Variants in RASL12 observed in about 807,000 individuals in gnomAD.
RASL12 encodes the protein RAS like family 12.
A neutral mutation model predicts 22.9 loss-of-function variants in RASL12; 16 were observed. The observed-to-expected ratio is 0.70, with a 90% CI of 0.47 to 1.06. RASL12 has a LOEUF of 1.06. RASL12 is among the 50% of genes least tolerant of loss of function. The pLI, the probability that RASL12 is intolerant of heterozygous loss-of-function variation, is 0.00. For missense variants in RASL12, 306 were observed against 353.1 expected, an observed-to-expected ratio of 0.87 and a Z score of 1.07; for synonymous variants, 159 against 152.2, an observed-to-expected ratio of 1.04 and a Z score of -0.33.
chr15:65,065,266 G>A lies in RASL12; in HGVS notation c.111C>T (p.Thr37=), dbSNP rs756506075. The A allele has an allele frequency of 8.7e-6, 14 of 1,611,850 alleles. 1 individual carries two copies. The highest frequency in any genetic ancestry group is 3.3e-5 in the Admixed American group (2 of 59,708). The change falls in exon 2 of 5, where the codon ACC becomes ACT. Residue 37 remains threonine, a synonymous_variant. Coordinates refer to ENST00000220062, the MANE Select transcript of RASL12 (RefSeq NM_016563.4). Reference sequence around the variant, plus strand: ...TAAACCTCTTGGTCAGAAACTTCACGGTCAGGGCTGCAAGAAGCAGAAAGA... The same window carrying A: ...TAAACCTCTTGGTCAGAAACTTCACAGTCAGGGCTGCAAGAAGCAGAAAGA... The part of the protein sequence containing the change: ...GRRGAGKSAL[T]VKFLTKRFIS...
chr15:65,047,779 CAG>C, the RASL12 span, among the ~76,000 whole-genome samples: 1 of 141,942 alleles, frequency 7.0e-6, no homozygotes, highest in Non-Finnish European at 1.5e-5. Context: ...GATAGATAGA[CAG>C]ATAGATCGAT....
At chr15:65,066,025 G>A (rs2086873269) in intron 1 of RASL12, among the ~76,000 whole-genome samples, 1 of 148,236 alleles carries the variant, frequency 6.7e-6, no homozygotes, top group East Asian at 2.3e-4. Context: ...AAAGAAAAGA[G>A]AAGAGAAGAG....
chr15:65,052,961 C>T (rs994236086), downstream of RASL12: 5 of 1,564,436 alleles, frequency 3.2e-6, no homozygotes, highest in African/African-American at 2.7e-5. Context: ...TCCCTGTCCC[C>T]CCAGAAAAGA....
At chr15:65,073,494 C>T (rs894159803) in intron 1 of RASL12, among the ~76,000 whole-genome samples, 11 of 152,142 alleles carry the variant, frequency 7.2e-5, no homozygotes, top group African/African-American at 2.2e-4. Context: ...ATGCTGCTGC[C>T]ACTGATCTGA....
At chr15:65,072,761 T>G (rs995678060), upstream of RASL12, among the ~76,000 whole-genome samples, 17 of 152,156 alleles carry the variant, frequency 1.1e-4, no homozygotes, top group Admixed American at 1.1e-3. Context: ...CCCTGAGCAC[T>G]TCCCTCCACT....
chr15:65,059,654 CG>C (rs1329097321), intron 2 of RASL12, among the ~76,000 whole-genome samples: 4 of 152,106 alleles, frequency 2.6e-5, no homozygotes, highest in Admixed American at 6.5e-5. Flanking sequence ...GACCACACCT[CG>C]GGGGTGGGTC....
At chr15:65,068,510 G>A (rs527546321), upstream of RASL12, among the ~76,000 whole-genome samples, 1 of 152,184 alleles carries the variant, frequency 6.6e-6, no homozygotes, top group Non-Finnish European at 1.5e-5. The surrounding 1 kb of genome is among the most constrained non-coding windows in gnomAD (Gnocchi z 4.2). Context: ...GAGAGGGGGC[G>A]GGGCGGAGAG....
the RASL12 span, among the ~76,000 whole-genome samples, chr15:65,048,040 G>A: frequency 2.0e-5 from 3 of 152,056 alleles, no homozygotes; most frequent in Non-Finnish European, 2.9e-5. Context: ...TTAGCCTGGC[G>A]TGGTGGCATG....
rs1054242032 is a variant in RASL12, at chr15:65,054,672, G to A, written c.*227C>T. On this transcript the variant is annotated 3_prime_UTR_variant, in exon 5 of 5. Transcript: ENST00000220062. ...TGTCACAGTGGCTGTTTCCCTCTACGGCCACAGACGCGGTGGTTACCATGA... is the reference window on the plus strand; with the variant it reads ...TGTCACAGTGGCTGTTTCCCTCTACAGCCACAGACGCGGTGGTTACCATGA... 7.2e-6 allele frequency: 10 copies of A among 1,380,876 alleles called. No homozygotes were observed. Among genetic ancestry groups the A allele is most frequent in the South Asian group, 5.6e-5 (3 of 53,672 alleles). The allele number at this position is 1,380,876 out of a possible 1,614,324, so 85.5% of individuals were successfully genotyped here. A position where few individuals can be genotyped will look rare whatever the true frequency, so the allele number is the denominator to read the frequency against.
chr15:65,066,211 GA>G (rs2140531835), intron 1 of RASL12, among the ~76,000 whole-genome samples: 1 of 149,246 alleles, frequency 6.7e-6, no homozygotes, highest in East Asian at 2.0e-4. Context: ...AAGGAAGGAA[GA>G]AAAGAGAAAG....
At chr15:65,066,747 A>G (rs2086883448) in intron 1 of RASL12, among the ~76,000 whole-genome samples, 1 of 152,220 alleles carries the variant, frequency 6.6e-6, no homozygotes, top group South Asian at 2.1e-4. Context: ...AACCAGATTC[A>G]GAGTCCCCTC....
At position 65,066,101 on chromosome 15, in the gene RASL12, GAGAA is replaced by G. The variant is rs200471388; in HGVS notation, c.104-832_104-829del. On this transcript the variant is annotated intron_variant, in intron 1 of 4. Transcript: ENST00000220062. Reference sequence around the variant, plus strand: ...AGAGAATAAAAGAAAGAGAAGGAAAGAGAAAGAAAGAAGAAAGAGAGAGAAAGAA... The same window carrying G: ...AGAGAATAAAAGAAAGAGAAGGAAAGAGAAAGAAGAAAGAGAGAGAAAGAA... 4.0e-3 allele frequency among the ~76,000 whole-genome samples: 571 copies of G among 143,068 alleles called. 4 individuals carry two copies. The highest frequency in any genetic ancestry group is 0.021 in the East Asian group (104 of 4,896). The allele number at this position is 143,068 out of a possible 152,430, so 93.9% of individuals were successfully genotyped here.
At chr15:65,046,022 G>C in the RASL12 span, among the ~76,000 whole-genome samples, 1 of 152,036 alleles carries the variant, frequency 6.6e-6, no homozygotes, top group Admixed American at 6.6e-5. Context: ...AAAATTGGCC[G>C]GGTGCGGTGG....
chr15:65,073,155 C>T (rs906753056), intron 1 of RASL12, among the ~76,000 whole-genome samples: 2 of 152,220 alleles, frequency 1.3e-5, no homozygotes, highest in African/African-American at 4.8e-5. Context: ...AGTCCCCAAC[C>T]TTTTTGGCAC....
chr15:65,075,900 A>T (rs2086964585), intron 1 of RASL12, among the ~76,000 whole-genome samples: 1 of 151,798 alleles, frequency 6.6e-6, no homozygotes, highest in Non-Finnish European at 1.5e-5. Flanking sequence ...AGGTTTGTAA[A>T]CACACCAATC....
intron 4 of RASL12, 151 bp from the exon 5 acceptor site, chr15:65,055,425 G>A: frequency 3.0e-6 from 2 of 660,872 alleles, no homozygotes; most frequent in South Asian, 4.0e-5. Flanking sequence ...CAGTACAGTG[G>A]GTTACTGCCC....
In RASL12 at chr15:65,054,706, G is replaced by A. The variant is rs945560563; in HGVS notation, c.*193C>T. 74 of 1,421,928 alleles carry A rather than the reference G, an allele frequency of 5.2e-5. 1 individual carries two copies. In the African/African-American group the frequency reaches 9.0e-4, roughly 17 times the overall value. 88.1% of individuals were successfully genotyped at this position (1,421,928 alleles called of 1,614,324 possible). On this transcript the variant is annotated 3_prime_UTR_variant, in exon 5 of 5. Transcript: ENST00000220062. ...CGCGGTGGTTACCATGAAGACCAAG[G>A]CCTGGAGGGAACAGAAGCAGCATCC...
chr15:65,054,748 C>T lies in RASL12; in HGVS notation c.*151G>A. On this transcript the variant is annotated 3_prime_UTR_variant, in exon 5 of 5. Transcript: ENST00000220062. ...GCAGCATCCCTGCCTGCCACTCCAG[C>T]TCACACAGTGAATTGAGTGTAGGGA... is the stretch of plus-strand genomic sequence containing the variant. The T allele has an allele frequency of 3.4e-6, 5 of 1,460,018 alleles. No homozygotes were observed. Among genetic ancestry groups the T allele is most frequent in the Non-Finnish European group, 4.5e-6 (5 of 1,112,110 alleles). The allele number at this position is 1,460,018 out of a possible 1,614,324, so 90.4% of individuals were successfully genotyped here.
chr15:65,074,796 C>T (rs1463292114), intron 1 of RASL12, among the ~76,000 whole-genome samples: 1 of 152,276 alleles, frequency 6.6e-6, no homozygotes, highest in Non-Finnish European at 1.5e-5. Context: ...TAGCAGCCCT[C>T]AGTGCGCCCG....
Sources: allele counts gnomAD v4.1 joint callset (sites outside exome capture counted in the v4.1 genomes callset), GRCh38; gene constraint gnomAD v4.1.1; non-coding constraint Gnocchi (gnomAD v3.1); transcripts MANE v1.5; gene names NCBI Gene and HGNC (gene_info 2026-07-23, HGNC 2026-07-21).